CAMKMT: variants seen among roughly 807,000 people sequenced by gnomAD.
CAMKMT encodes the protein calmodulin-lysine N-methyltransferase.
CAMKMT carries 53 observed loss-of-function variants against 48.0 expected under a neutral mutation model. That is an observed-to-expected ratio of 1.10 (90% confidence interval 0.89 to 1.39). CAMKMT has a LOEUF of 1.39. Ranked by LOEUF, CAMKMT falls within the 40% of genes most tolerant of loss-of-function variation. CAMKMT has a pLI of 0.00. For synonymous variants in CAMKMT, 165 were observed against 152.3 expected (o/e 1.08, Z -0.61); for missense variants, 428 against 402.7 (o/e 1.06, Z -0.54).
intron 3 of CAMKMT, among the ~76,000 whole-genome samples, chr2:44,579,766 A>G (rs924033026): frequency 5.9e-5 from 9 of 152,214 alleles, no homozygotes; most frequent in Non-Finnish European, 8.8e-5. Context: ...AGTTTTAGAC[A>G]GGTAACTTTA....
chr2:44,596,550 C>G (rs539824698), intron 3 of CAMKMT, among the ~76,000 whole-genome samples: 2 of 152,252 alleles, frequency 1.3e-5, no homozygotes, highest in Non-Finnish European at 2.9e-5. Flanking sequence ...CCAGAAATCT[C>G]TAACAAGCCC....
At chr2:44,471,423 C>T (rs925393800) in intron 3 of CAMKMT, among the ~76,000 whole-genome samples, 4 of 152,010 alleles carry the variant, frequency 2.6e-5, no homozygotes, top group African/African-American at 9.7e-5. Context: ...CATAGCAAAA[C>T]CCCGTCTCTA....
chr2:44,409,908 G>T (rs1041087366), intron 3 of CAMKMT, among the ~76,000 whole-genome samples: 6 of 152,042 alleles, frequency 3.9e-5, no homozygotes, highest in Non-Finnish European at 8.8e-5. Context: ...GGTATAAAGA[G>T]AAATAATATC....
At chr2:44,378,755 G>A (rs1254306557) in intron 2 of CAMKMT, among the ~76,000 whole-genome samples, 2 of 151,132 alleles carry the variant, frequency 1.3e-5, no homozygotes, top group Non-Finnish European at 2.9e-5. Flanking sequence ...GCCTCCCAAA[G>A]TGCTGGTATT....
Position 44,518,042 on chromosome 2 carries a change from G to C in CAMKMT, c.376+127737G>C, listed in dbSNP as rs143066622. On this transcript the variant is annotated intron_variant, in intron 3 of 10. Coordinates refer to ENST00000378494, the MANE Select transcript of CAMKMT (RefSeq NM_024766.5). ...TGGCTCTGGTGCCAGCCAGTGTTTT[G>C]TGGGGCTTAGGGGGCGGGGATAGTG... Among the ~76,000 whole-genome samples, 6 of 152,228 alleles carry C rather than the reference G, an allele frequency of 3.9e-5. No individual in the cohort carries two copies. In the East Asian group the frequency reaches 1.2e-3, roughly 29 times the overall value.
intron 2 of CAMKMT, among the ~76,000 whole-genome samples, chr2:44,383,635 A>G (rs1356057605): frequency 6.6e-6 from 1 of 150,868 alleles, no homozygotes; most frequent in Non-Finnish European, 1.5e-5. Context: ...TACCCCTCCC[A>G]CTCTTCCCCG....
chr2:44,479,088 A>C (rs1025895734), intron 3 of CAMKMT, among the ~76,000 whole-genome samples: 2 of 152,218 alleles, frequency 1.3e-5, no homozygotes, highest in Non-Finnish European at 2.9e-5. Context: ...CTCAACAGTA[A>C]ATATCTTTAA....
intron 3 of CAMKMT, among the ~76,000 whole-genome samples, chr2:44,668,110 T>C (rs891363856): frequency 6.6e-6 from 1 of 152,226 alleles, no homozygotes; most frequent in Admixed American, 6.5e-5. Flanking sequence ...TACATTTCCC[T>C]GGTAAATTTG....
intron 6 of CAMKMT, among the ~76,000 whole-genome samples, chr2:44,709,682 T>C (rs1677767530): frequency 6.6e-6 from 1 of 152,178 alleles, no homozygotes; most frequent in African/African-American, 2.4e-5. Flanking sequence ...TCACATACTA[T>C]TGATGCATAT....
chr2:44,574,277 C>T lies in CAMKMT; in HGVS notation c.377-130006C>T, dbSNP rs377139110. Among the ~76,000 whole-genome samples, 60 of 152,280 alleles carry T rather than the reference C, an allele frequency of 3.9e-4. 2 individuals are homozygous for T. In the South Asian group the frequency reaches 8.9e-3, roughly 23 times the overall value. ...GGCCCAGTGCCTTTATTGGGGTTTT[C>T]ACAGGATCGAATGGGTGAGGTAGGG... On this transcript the variant is annotated intron_variant, in intron 3 of 10. Transcript: ENST00000378494.
Position 44,446,534 on chromosome 2 carries a change from C to T in CAMKMT, c.376+56229C>T, listed in dbSNP as rs148226416. 1.5e-3 allele frequency among the ~76,000 whole-genome samples: 226 copies of T among 151,482 alleles called. 3 individuals carry two copies. The highest frequency in any genetic ancestry group is 0.015 in the East Asian group (74 of 5,074). On this transcript the variant is annotated intron_variant, in intron 3 of 10. Transcript: ENST00000378494. ...CTAATTTTTGTATTTTTAGTAGAGACGGGGTTTTGCCATGTTGGCCAGGCT... is the reference window on the plus strand; with the variant it reads ...CTAATTTTTGTATTTTTAGTAGAGATGGGGTTTTGCCATGTTGGCCAGGCT...
chr2:44,504,579 G>A (rs544236648), intron 3 of CAMKMT, among the ~76,000 whole-genome samples: 254 of 152,220 alleles, frequency 1.7e-3, no homozygotes, highest in African/African-American at 5.8e-3. Context: ...TCTTACAAGG[G>A]CAGAATTGAG....
intron 3 of CAMKMT, among the ~76,000 whole-genome samples, chr2:44,565,763 TAA>T (rs1668580959): frequency 6.6e-6 from 1 of 152,076 alleles, no homozygotes; most frequent in Non-Finnish European, 1.5e-5. Flanking sequence ...ACCACTGTTT[TAA>T]AAGTTTTCCC....
intron 7 of CAMKMT, among the ~76,000 whole-genome samples, chr2:44,730,235 G>A (rs1180003532): frequency 6.6e-6 from 1 of 152,152 alleles, no homozygotes; most frequent in African/African-American, 2.4e-5. Context: ...GGCTTTGTCT[G>A]ATATGTCCTC....
chr2:44,631,475 T>A (rs1672825905), intron 3 of CAMKMT: 1 of 601,984 alleles, frequency 1.7e-6, no homozygotes, highest in Non-Finnish European at 2.9e-6. Flanking sequence ...AACAATTTTT[T>A]ATTTTTTTTG....
At chr2:44,505,300 G>A (rs74340887) in intron 3 of CAMKMT, among the ~76,000 whole-genome samples, 1 of 152,094 alleles carries the variant, frequency 6.6e-6, no homozygotes, top group African/African-American at 2.4e-5. Context: ...CTCTTTGTTG[G>A]ATATGCAGTA....
At chr2:44,621,124 T>C (rs112196607) in intron 3 of CAMKMT, among the ~76,000 whole-genome samples, 4,549 of 151,814 alleles carry the variant, frequency 0.03, 187 homozygotes, top group African/African-American at 0.093. Context: ...AAAAATTAGC[T>C]GGGCGTGGTG....
At chr2:44,551,960 T>C (rs1043523103) in intron 3 of CAMKMT, among the ~76,000 whole-genome samples, 15 of 152,204 alleles carry the variant, frequency 9.9e-5, no homozygotes, top group African/African-American at 3.6e-4. Context: ...AAGTGTAATA[T>C]GGGTTTCTAA....
At chr2:44,411,315 A>G (rs996457462) in intron 3 of CAMKMT, among the ~76,000 whole-genome samples, 1 of 152,182 alleles carries the variant, frequency 6.6e-6, no homozygotes, top group African/African-American at 2.4e-5. Context: ...TAGGCTAAGC[A>G]CTGGGGATAC....
Sources: gnomAD v4.1 joint callset for allele counts (sites outside exome capture counted in the v4.1 genomes callset) on GRCh38, gnomAD v4.1.1 for gene constraint, MANE v1.5 for transcripts, NCBI Gene and HGNC (gene_info 2026-07-23, HGNC 2026-07-21) for gene names.